MCCC1: variants seen among roughly 807,000 people sequenced by gnomAD.
The protein encoded by MCCC1 is methylcrotonyl-CoA carboxylase subunit 1, also known as methylcrotonoyl-CoA carboxylase subunit alpha, mitochondrial.
Under a neutral mutation model 83.8 loss-of-function variants are expected in MCCC1, and 64 were observed. That is an observed-to-expected ratio of 0.76 (90% confidence interval 0.62 to 0.94). The LOEUF is 0.94. MCCC1 is among the 40% of genes least tolerant of loss of function. The pLI, the probability that MCCC1 is intolerant of heterozygous loss-of-function variation, is 0.00. For synonymous variants in MCCC1, 322 were observed against 315.4 expected, an observed-to-expected ratio of 1.02 and a Z score of -0.22; for missense variants, 807 against 904.7, an observed-to-expected ratio of 0.89 and a Z score of 1.39.
At chr3:183,078,215 T>C (rs1381088084) in intron 4 of MCCC1, among the ~76,000 whole-genome samples, 1 of 152,158 alleles carries the variant, frequency 6.6e-6, no homozygotes, top group Non-Finnish European at 1.5e-5. Flanking sequence ...AGACAGGGTT[T>C]CACCATGTTG....
In MCCC1 at chr3:183,109,183, G is replaced by T. The variant is rs1329556594; in HGVS notation, c.-102+6291C>A. Among the ~76,000 whole-genome samples, 5 of 152,140 alleles carry T rather than the reference G, an allele frequency of 3.3e-5. No individual in the cohort carries two copies. The East Asian group carries it at 7.7e-4, about 23-fold the overall frequency. The stretch of plus-strand genomic sequence containing the variant: ...ATTTTTGTATTTTTAGTAGAGACGG[G>T]GTTTCACCATGTTGCCCAGGCTGGT... On this transcript the variant is annotated intron_variant, in intron 1 of 17. Coordinates refer to the MCCC1 transcript ENST00000492597.
At chr3:183,056,746 T>C (rs1057456801) in intron 8 of MCCC1, among the ~76,000 whole-genome samples, 2 of 152,186 alleles carry the variant, frequency 1.3e-5, no homozygotes, top group African/African-American at 4.8e-5. Context: ...CAGGCTGGAG[T>C]GCAATGGCGT....
intron 3 of MCCC1, among the ~76,000 whole-genome samples, chr3:183,089,964 C>A (rs1441852584): frequency 6.6e-6 from 1 of 152,130 alleles, no homozygotes; most frequent in Non-Finnish European, 1.5e-5. Flanking sequence ...ATATATGTAT[C>A]ATGCTCAAAA....
intron 9 of MCCC1, among the ~76,000 whole-genome samples, chr3:183,050,558 G>C (rs1272123583): frequency 6.6e-6 from 1 of 151,882 alleles, no homozygotes; most frequent in Non-Finnish European, 1.5e-5. Context: ...CAAAAAAGTA[G>C]CTGGGTGTGT....
intron 7 of MCCC1, among the ~76,000 whole-genome samples, chr3:183,062,886 G>A (rs556414609): frequency 7.9e-5 from 12 of 152,278 alleles, no homozygotes; most frequent in African/African-American, 2.6e-4. Flanking sequence ...CCCTAATTCA[G>A]CCACTGCCAG....
In MCCC1 at chr3:183,045,092, CT is replaced by C. The variant is rs35283773; in HGVS notation, c.1083+320del. Reference sequence around the variant, plus strand: ...TCACATCCCTCCCATCAAGACTGATCTTTTTTTTTTTTTTTTTAAGATGGAG... The same window carrying C: ...TCACATCCCTCCCATCAAGACTGATCTTTTTTTTTTTTTTTTAAGATGGAG... On this transcript the variant is annotated intron_variant, in intron 10 of 18. Coordinates refer to ENST00000265594, the MANE Select transcript of MCCC1 (RefSeq NM_020166.5). 4.1e-3 allele frequency among the ~76,000 whole-genome samples: 569 copies of C among 137,620 alleles called. 1 individual carries two copies. Among genetic ancestry groups the C allele is most frequent in the Middle Eastern group, 7.5e-3 (2 of 268 alleles). The allele number at this position is 137,620 out of a possible 152,430, so 90.3% of individuals were successfully genotyped here.
chr3:183,077,402 G>A (rs1358929913), intron 4 of MCCC1, among the ~76,000 whole-genome samples: 1 of 152,120 alleles, frequency 6.6e-6, no homozygotes, highest in Non-Finnish European at 1.5e-5. Context: ...ACCAATACTT[G>A]TTATCATCTC....
chr3:183,075,903 A>C (rs1479109876), intron 4 of MCCC1, among the ~76,000 whole-genome samples: 1 of 152,148 alleles, frequency 6.6e-6, no homozygotes, highest in Non-Finnish European at 1.5e-5. Flanking sequence ...TTCCTTATAG[A>C]TGCTAGATAT....
chr3:183,045,185 T>C (rs1018765335), intron 10 of MCCC1, among the ~76,000 whole-genome samples: 3 of 151,436 alleles, frequency 2.0e-5, no homozygotes, highest in African/African-American at 7.3e-5. Flanking sequence ...GGCTCAGTGA[T>C]TCTCCTGCCT....
chr3:183,071,474 A>C, intron 5 of MCCC1, 117 bp from the exon 6 acceptor site: 1 of 1,424,716 alleles, frequency 7.0e-7, no homozygotes, highest in Non-Finnish European at 9.8e-7. Context: ...GAAAACATCG[A>C]GTCTGAGACG....
chr3:183,099,532 A>G, upstream of MCCC1: 1 of 1,477,474 alleles, frequency 6.8e-7, no homozygotes. Context: ...AAGCCTCGTG[A>G]CCCCCGCCGG....
intron 10 of MCCC1, among the ~76,000 whole-genome samples, chr3:183,043,056 G>A (rs1288345573): frequency 6.6e-6 from 1 of 152,188 alleles, no homozygotes; most frequent in Non-Finnish European, 1.5e-5. Flanking sequence ...TTGGGAGGCC[G>A]AGGCAGGCGG....
chr3:183,092,616 C>A (rs925355543), intron 2 of MCCC1, 71 bp from the exon 3 acceptor site: 5 of 1,591,718 alleles, frequency 3.1e-6, no homozygotes, highest in African/African-American at 2.7e-5. Context: ...AGAATACGAT[C>A]TTAACTGGCT....
intron 1 of MCCC1, among the ~76,000 whole-genome samples, chr3:183,113,222 CAAAA>C (rs35441023): frequency 8.6e-5 from 9 of 105,142 alleles, no homozygotes; most frequent in African/African-American, 2.9e-4. Flanking sequence ...GACTCCATCT[CAAAA>C]AAAAAAAAAA....
chr3:183,022,948 C>G (rs1712281133), intron 15 of MCCC1, among the ~76,000 whole-genome samples: 1 of 152,000 alleles, frequency 6.6e-6, no homozygotes, highest in Non-Finnish European at 1.5e-5. Context: ...TATTTGAAGT[C>G]AAATTTAGTT....
chr3:183,016,683 G>A (rs1057184451), intron 18 of MCCC1, among the ~76,000 whole-genome samples: 1 of 152,206 alleles, frequency 6.6e-6, no homozygotes, highest in African/African-American at 2.4e-5. Flanking sequence ...AAGCTGAGGA[G>A]CATATTCAAC....
At chr3:183,112,110 C>A (rs966845375) in intron 1 of MCCC1, among the ~76,000 whole-genome samples, 1 of 152,128 alleles carries the variant, frequency 6.6e-6, no homozygotes, top group Non-Finnish European at 1.5e-5. Flanking sequence ...GCCAGCTCAG[C>A]TTTCTAATAC....
intron 14 of MCCC1, among the ~76,000 whole-genome samples, chr3:183,031,491 C>CTTTTTTTT (rs66507233): frequency 1.2e-4 from 9 of 72,702 alleles, no homozygotes; most frequent in Non-Finnish European, 1.4e-4. Context: ...CTTCTGGCAC[C>CTTTTTTTT]TTTTTTTTTT....
intron 1 of MCCC1, among the ~76,000 whole-genome samples, chr3:183,113,494 A>G (rs1033194965): frequency 6.6e-6 from 1 of 151,750 alleles, no homozygotes; most frequent in Non-Finnish European, 1.5e-5. Flanking sequence ...CAGCACACCA[A>G]CATGGCACAT....
Sources: gnomAD v4.1 joint callset for allele counts (sites outside exome capture counted in the v4.1 genomes callset) on GRCh38, gnomAD v4.1.1 for gene constraint, MANE v1.5 for transcripts, NCBI Gene and HGNC (gene_info 2026-07-23, HGNC 2026-07-21) for gene names.